PHF21B: variants seen among roughly 807,000 people sequenced by gnomAD.
The protein encoded by PHF21B is PHD finger protein 21B.
PHF21B carries 22 observed loss-of-function variants against 62.2 expected under a neutral mutation model. The observed-to-expected ratio is 0.35, with a 90% CI of 0.25 to 0.51. The LOEUF (loss-of-function observed/expected upper bound fraction) is 0.51, where lower values mean the gene tolerates loss of function less well. Among genes scored for constraint, PHF21B ranks in the 20% least tolerant of loss-of-function variants. The pLI is 0.97. For synonymous variants in PHF21B, 341 were observed against 314.7 expected (o/e 1.08, Z -0.88); for missense variants, 701 against 707.9 (o/e 0.99, Z 0.11).
intron 2 of PHF21B, among the ~76,000 whole-genome samples, chr22:45,003,852 G>T (rs2073263915): frequency 6.6e-6 from 1 of 152,168 alleles, no homozygotes; most frequent in African/African-American, 2.4e-5. Flanking sequence ...AACTTGCATG[G>T]AGCCTGAATC....
intron 5 of PHF21B, among the ~76,000 whole-genome samples, chr22:44,904,122 G>A (rs2071208749): frequency 6.6e-6 from 1 of 151,984 alleles, no homozygotes; most frequent in Non-Finnish European, 1.5e-5. Flanking sequence ...TTGAGCATAT[G>A]TTTCTAACTA....
intron 2 of PHF21B, among the ~76,000 whole-genome samples, chr22:45,002,209 A>G (rs948017804): frequency 6.6e-6 from 1 of 152,256 alleles, no homozygotes; most frequent in Non-Finnish European, 1.5e-5. Flanking sequence ...ATTGACATAT[A>G]TCAATATACA....
chr22:44,885,623 G>A, intron 11 of PHF21B, 94 bp from the exon 12 acceptor site: 1 of 1,257,426 alleles, frequency 8.0e-7, no homozygotes, highest in Non-Finnish European at 1.1e-6. Context: ...TGAAACCAAG[G>A]CCTAGGACAT....
At chr22:44,980,763 C>G (rs890832082) in intron 2 of PHF21B, among the ~76,000 whole-genome samples, 2 of 152,142 alleles carry the variant, frequency 1.3e-5, no homozygotes, top group African/African-American at 4.8e-5. Context: ...GCCTTGAAAA[C>G]AAGGCCAGGG....
At chr22:44,917,458 G>A (rs1450636622) in intron 3 of PHF21B, among the ~76,000 whole-genome samples, 1 of 152,272 alleles carries the variant, frequency 6.6e-6, no homozygotes, top group East Asian at 1.9e-4. Flanking sequence ...CATGGAACCA[G>A]GAGCGCCACA....
At chr22:44,957,152 G>C (rs1248702307) in intron 2 of PHF21B, among the ~76,000 whole-genome samples, 1 of 152,180 alleles carries the variant, frequency 6.6e-6, no homozygotes, top group African/African-American at 2.4e-5. Flanking sequence ...TGTACCTGTG[G>C]CCTCCCTGGC....
intron 2 of PHF21B, among the ~76,000 whole-genome samples, chr22:44,948,472 G>A (rs1263233881): frequency 6.6e-6 from 1 of 152,070 alleles, no homozygotes; most frequent in African/African-American, 2.4e-5. Context: ...ATCTGATGTC[G>A]GGAGTTTGAG....
chr22:44,897,737 G>A (rs1281504020), intron 5 of PHF21B, among the ~76,000 whole-genome samples: 1 of 152,148 alleles, frequency 6.6e-6, no homozygotes, highest in African/African-American at 2.4e-5. Context: ...CCCACACCCA[G>A]TTCATCGCAA....
intron 2 of PHF21B, among the ~76,000 whole-genome samples, chr22:44,921,248 A>C (rs1318594401): frequency 6.6e-6 from 1 of 152,182 alleles, no homozygotes; most frequent in East Asian, 1.9e-4. Flanking sequence ...CCTCCCAGGA[A>C]TTCCAGGCCC....
intron 2 of PHF21B, among the ~76,000 whole-genome samples, chr22:44,949,850 T>A (rs1358513363): frequency 8.5e-6 from 1 of 117,178 alleles, no homozygotes; most frequent in Non-Finnish European, 1.8e-5. Flanking sequence ...GTTCAGGTGA[T>A]TTTTTCGGCA....
chr22:44,984,971 G>A (rs1229941675), intron 2 of PHF21B, among the ~76,000 whole-genome samples: 1 of 152,140 alleles, frequency 6.6e-6, no homozygotes, highest in African/African-American at 2.4e-5. Flanking sequence ...GAGTGTCAAG[G>A]TCTTTAAAAG....
At chr22:44,945,922 G>A (rs1331083871) in intron 2 of PHF21B, among the ~76,000 whole-genome samples, 2 of 152,252 alleles carry the variant, frequency 1.3e-5, no homozygotes, top group African/African-American at 2.4e-5. Flanking sequence ...TGACCTCAGG[G>A]CCACCCGTGC....
chr22:44,942,929 G>A (rs2071987575), intron 2 of PHF21B, among the ~76,000 whole-genome samples: 1 of 151,968 alleles, frequency 6.6e-6, no homozygotes, highest in Non-Finnish European at 1.5e-5. Flanking sequence ...GTGAAGAAAG[G>A]GGGATTCAGA....
At chr22:44,926,838 T>C (rs73178257) in intron 2 of PHF21B, among the ~76,000 whole-genome samples, 200 of 152,218 alleles carry the variant, frequency 1.3e-3, no homozygotes, top group Admixed American at 3.1e-3. Flanking sequence ...GGTGTTGCCA[T>C]GTGGGCCGGG....
intron 2 of PHF21B, among the ~76,000 whole-genome samples, chr22:44,978,122 C>T (rs2072772308): frequency 1.3e-5 from 2 of 152,118 alleles, no homozygotes; most frequent in South Asian, 4.1e-4. Flanking sequence ...CCTCCCAGGA[C>T]ACGTGTGTAA....
chr22:44,920,271 G>T, intron 3 of PHF21B, 127 bp downstream of exon 3: 1 of 558,628 alleles, frequency 1.8e-6, no homozygotes, highest in Non-Finnish European at 3.0e-6. Flanking sequence ...AGGGGAAGGT[G>T]CAGCTGAGAG....
At chr22:44,925,818 C>T (rs1186826086) in intron 2 of PHF21B, among the ~76,000 whole-genome samples, 1 of 152,130 alleles carries the variant, frequency 6.6e-6, no homozygotes, top group Non-Finnish European at 1.5e-5. Flanking sequence ...CCAGTGTTCC[C>T]CCAACTTCCA....
rs142505413 is a variant in PHF21B, at chr22:44,895,307, C to T, written c.883+725G>A. ...CCCAGGCCCTAAGATTCTAGGATGA[C>T]GTTCACAGCTCACGTGAGATTGCCC... On this transcript the variant is annotated intron_variant, in intron 6 of 12. Coordinates refer to ENST00000313237, the MANE Select transcript of PHF21B (RefSeq NM_138415.5). Among the ~76,000 whole-genome samples, 157 of 152,204 alleles carry T rather than the reference C, an allele frequency of 1.0e-3. 2 individuals are homozygous for T. The South Asian group carries it at 0.012, about 12-fold the overall frequency.
chr22:44,954,636 A>G (rs1357644278), intron 2 of PHF21B, among the ~76,000 whole-genome samples: 1 of 152,260 alleles, frequency 6.6e-6, no homozygotes, highest in Non-Finnish European at 1.5e-5. Context: ...TCTCTTGAGC[A>G]ATTCAGGTCT....
Sources: allele counts gnomAD v4.1 joint callset (sites outside exome capture counted in the v4.1 genomes callset), GRCh38; gene constraint gnomAD v4.1.1; transcripts MANE v1.5; gene names NCBI Gene and HGNC (gene_info 2026-07-23, HGNC 2026-07-21).